HIP1R: variants seen among roughly 807,000 people sequenced by gnomAD.
HIP1R encodes the protein huntingtin interacting protein 1 related, also known as huntingtin-interacting protein 1-related protein.
In HIP1R, 135 loss-of-function variants were observed where a neutral mutation model predicts 144.2. The ratio of observed to expected loss-of-function variants is 0.94; its 90% CI spans 0.81 to 1.08. HIP1R has a LOEUF of 1.08. HIP1R is among the 50% of genes least tolerant of loss of function. HIP1R has a pLI of 0.00. For synonymous variants in HIP1R, 698 were observed against 612.8 expected, an observed-to-expected ratio of 1.14 and a Z score of -2.05; for missense variants, 1,462 against 1,432.8, an observed-to-expected ratio of 1.02 and a Z score of -0.33.
intron 7 of HIP1R, among the ~76,000 whole-genome samples, chr12:122,851,625 G>C (rs1047720567): frequency 6.6e-6 from 1 of 151,988 alleles, no homozygotes; most frequent in Admixed American, 6.5e-5. Context: ...ACTTGAACCT[G>C]GGCGGCGGAG....
chr12:122,857,188 C>A lies in HIP1R; in HGVS notation c.1788C>A (p.Gly596=). The A allele has an allele frequency of 6.4e-7, 1 of 1,550,416 alleles. No homozygotes were observed. The highest frequency in any genetic ancestry group is 8.7e-7 in the Non-Finnish European group (1 of 1,146,858). Reference sequence around the variant, plus strand: ...AGCAGCGCAGCTCCCAGGAGCAGGGCGAGTTGCAGGGCCGGCTGGCAGAGA... The same window carrying A: ...AGCAGCGCAGCTCCCAGGAGCAGGGAGAGTTGCAGGGCCGGCTGGCAGAGA... ...REQQRSSQEQ[G]ELQGRLAERE... Residue 596 remains glycine (G), a synonymous_variant, in exon 18 of 32, where the codon GGC becomes GGA. Coordinates refer to ENST00000253083, the MANE Select transcript of HIP1R (RefSeq NM_003959.3).
chr12:122,842,882 GCT>G (rs1170590226), intron 1 of HIP1R, among the ~76,000 whole-genome samples: 1 of 152,228 alleles, frequency 6.6e-6, no homozygotes, highest in Admixed American at 6.5e-5. Flanking sequence ...GAGTCAGCGG[GCT>G]CTGTCTGGCC....
chr12:122,853,155 G>A (rs1022742068), intron 7 of HIP1R, among the ~76,000 whole-genome samples: 3 of 152,166 alleles, frequency 2.0e-5, no homozygotes, highest in Admixed American at 2.0e-4. Context: ...CAGCCAAGGA[G>A]GAGGCAGCCT....
In HIP1R at chr12:122,840,833, G is replaced by A. The variant is rs1399301558; in HGVS notation, c.93+5190G>A. ...GGGTTGGGAGGATATTCTGGGGGAC[G>A]ACAGCCTCAGGAGGTGCAGACAAAG... On this transcript the variant is annotated intron_variant, in intron 1 of 31. Coordinates refer to ENST00000253083, the MANE Select transcript of HIP1R (RefSeq NM_003959.3). The surrounding 1 kb of genome is among the most constrained non-coding windows in gnomAD (Gnocchi z 4.2). Among the ~76,000 whole-genome samples the A allele has an allele frequency of 2.0e-5, 3 of 152,140 alleles. No individual in the cohort carries two copies. Among genetic ancestry groups the A allele is most frequent in the African/African-American group, 7.2e-5 (3 of 41,416 alleles).
At chr12:122,856,218 C>A (rs1234106721) in intron 14 of HIP1R, 38 bp from the exon 15 acceptor site, 1 of 1,612,978 alleles carries the variant, frequency 6.2e-7, no homozygotes, top group East Asian at 2.2e-5. Flanking sequence ...CCCCTGCCAC[C>A]CCACACGGGG....
chr12:122,850,138 G>C, intron 5 of HIP1R, 183 bp downstream of exon 5: 1 of 696,834 alleles, frequency 1.4e-6, no homozygotes, highest in Non-Finnish European at 2.6e-6. Flanking sequence ...GAAGCTCCTA[G>C]AACACTTCAG....
intron 4 of HIP1R, among the ~76,000 whole-genome samples, chr12:122,849,460 C>A (rs946502559): frequency 6.6e-6 from 1 of 152,266 alleles, no homozygotes; most frequent in Admixed American, 6.5e-5. Flanking sequence ...CCCGGACTCA[C>A]TTCCCTTGAA....
chr12:122,858,699 A>G (rs1452045913), intron 20 of HIP1R, 139 bp from the exon 21 acceptor site: 1 of 713,452 alleles, frequency 1.4e-6, no homozygotes, highest in Non-Finnish European at 2.5e-6. Flanking sequence ...TGTGGTTCCC[A>G]CTGCCTCCTG....
Position 122,860,534 on chromosome 12 carries a change from C to G in HIP1R, c.2660+11C>G. 1.3e-6 allele frequency: 2 copies of G among 1,543,922 alleles called. No homozygotes were observed. The highest frequency in any genetic ancestry group is 1.8e-6 in the Non-Finnish European group (2 of 1,118,458). On this transcript the variant is annotated intron_variant, in intron 27 of 31. Transcript: ENST00000253083. The stretch of plus-strand genomic sequence containing the variant: ...AGCCACACAGCTGGTGTAGGTTGCC[C>G]TGGGTGGGGGGGGGCAGGGGGCTGC...
chr12:122,855,331 G>A lies in HIP1R; in HGVS notation c.919G>A (p.Glu307Lys), dbSNP rs374098037. Residue 307 changes from glutamate to lysine, a missense_variant, in exon 11 of 32, where the codon GAG (glutamate) becomes AAG (lysine). Physicochemically the swap from Glu to Lys is moderately conservative, Grantham distance 56. Transcript: ENST00000253083. ...EHIKPVVVIP[E>K]EAPEDEEPEN... ...CATCAAGCCGGTGGTGGTGATCCCCGAGGAGGCCCCGGAAGATGAGGAGCC... is the reference window on the plus strand; with the variant it reads ...CATCAAGCCGGTGGTGGTGATCCCCAAGGAGGCCCCGGAAGATGAGGAGCC... 23 of 1,611,366 alleles carry A rather than the reference G, an allele frequency of 1.4e-5. No individual in the cohort carries two copies. The African/African-American group carries it at 1.6e-4, about 11-fold the overall frequency.
In HIP1R at chr12:122,840,048, G is replaced by A. The variant is rs1002959787; in HGVS notation, c.93+4405G>A. 3.3e-5 allele frequency among the ~76,000 whole-genome samples: 5 copies of A among 152,210 alleles called. No individual in the cohort carries two copies. Among genetic ancestry groups the A allele is most frequent in the Non-Finnish European group, 7.3e-5 (5 of 68,038 alleles). On this transcript the variant is annotated intron_variant, in intron 1 of 31. Transcript: ENST00000253083. The surrounding 1 kb of genome is among the most constrained non-coding windows in gnomAD (Gnocchi z 4.2). ...TCCTGGGCATGCGCACTGCTGTCTCGCCCCGTGACATCCTCTGCTCGGTTC... is the reference window on the plus strand; with the variant it reads ...TCCTGGGCATGCGCACTGCTGTCTCACCCCGTGACATCCTCTGCTCGGTTC...
Position 122,856,562 on chromosome 12 carries a change from GGC to G in HIP1R, c.1518+15_1518+16del. The stretch of plus-strand genomic sequence containing the variant: ...TCGGAGTTGAAGGTATGTCCCTTGT[GGC>G]ACAGGGCCCTGCCCCGGCATCCCCA... On this transcript the variant is annotated intron_variant, in intron 16 of 31. Coordinates refer to ENST00000253083, the MANE Select transcript of HIP1R (RefSeq NM_003959.3). 2 of 1,599,334 alleles carry G rather than the reference GGC, an allele frequency of 1.3e-6. No individual in the cohort carries two copies. The highest frequency in any genetic ancestry group is 1.7e-6 in the Non-Finnish European group (2 of 1,172,278).
In HIP1R at chr12:122,861,128, C is replaced by G; in HGVS notation, c.2891-3C>G. The G allele has an allele frequency of 5.6e-6, 9 of 1,613,460 alleles. No individual in the cohort carries two copies. Among genetic ancestry groups the G allele is most frequent in the Non-Finnish European group, 5.1e-6 (6 of 1,179,994 alleles). On this transcript the variant is annotated splice_region_variant and splice_polypyrimidine_tract_variant and intron_variant, in intron 29 of 31. Coordinates refer to ENST00000253083, the MANE Select transcript of HIP1R (RefSeq NM_003959.3). ...TGTTCACCCCCTTGTCCTCCGGCCA[C>G]AGACACCATGGATTTCTCCGGCCTG...
Position 122,861,718 on chromosome 12 carries a change from G to A in HIP1R, c.3172G>A (p.Asp1058Asn), listed in dbSNP as rs895119629. 1 of 1,614,126 alleles carries A rather than the reference G, an allele frequency of 6.2e-7. No individual in the cohort carries two copies. Among genetic ancestry groups the A allele is most frequent in the Admixed American group, 1.7e-5 (1 of 60,010 alleles). The stretch of plus-strand genomic sequence containing the variant: ...TTAACCCCTGCAGCTTGACAAAAAG[G>A]ATGGCATCTACCCAGCTCAACTCGT... ...PRQDHQLDKK[D>N]GIYPAQLVNY Residue 1058 changes from aspartate to asparagine, a missense_variant, in exon 32 of 32, where the codon GAT (aspartate) becomes AAT (asparagine). Physicochemically the swap from Asp to Asn is conservative, Grantham distance 23. Around this residue, in one of 2 missense-constraint regions of HIP1R, gnomAD observed 1,112 missense variants for 1,011.7 expected, o/e 1.10. Coordinates refer to ENST00000253083, the MANE Select transcript of HIP1R (RefSeq NM_003959.3).
Position 122,860,280 on chromosome 12 carries a change from T to G in HIP1R, c.2559+70T>G, listed in dbSNP as rs2033729836. The G allele has an allele frequency of 3.3e-6, 5 of 1,528,124 alleles. No individual in the cohort carries two copies. The South Asian group carries it at 4.9e-5, about 15-fold the overall frequency. 94.7% of individuals were successfully genotyped at this position (1,528,124 alleles called of 1,614,324 possible). A position where few individuals can be genotyped will look rare whatever the true frequency, so the allele number is the denominator to read the frequency against. On this transcript the variant is annotated intron_variant, in intron 26 of 31. Coordinates refer to ENST00000253083, the MANE Select transcript of HIP1R (RefSeq NM_003959.3). ...CCCCCAGCCTAGGCCACCCTGGGCA[T>G]GAGACCCTCCACCCCCTACCACAGG...
Position 122,858,956 on chromosome 12 carries a change from C to G in HIP1R, c.2158+11C>G, listed in dbSNP as rs1403725468. On this transcript the variant is annotated intron_variant, in intron 21 of 31. Transcript: ENST00000253083. ...CCGACCCTGCCGACCGTAAGTGGGTCCTGGGATGGCAGGTTCTGTCCACCT... is the reference window on the plus strand; with the variant it reads ...CCGACCCTGCCGACCGTAAGTGGGTGCTGGGATGGCAGGTTCTGTCCACCT... The G allele has an allele frequency of 1.2e-6, 2 of 1,612,148 alleles. No homozygotes were observed. Among genetic ancestry groups the G allele is most frequent in the Non-Finnish European group, 1.7e-6 (2 of 1,179,070 alleles).
chr12:122,861,171 G>A lies in HIP1R; in HGVS notation c.2931G>A (p.Lys977=), dbSNP rs1331362626. Residue 977 remains lysine, a synonymous_variant, in exon 30 of 32, where the codon AAG becomes AAA. Coordinates refer to ENST00000253083, the MANE Select transcript of HIP1R (RefSeq NM_003959.3). ...CCGGCCTGTCCCTCATCAAGCTGAA[G>A]AAGCAGGAGATGGAGACCCAGGTAG... ...DFSGLSLIKL[K]KQEMETQVRV... 3.7e-6 allele frequency: 6 copies of A among 1,609,802 alleles called. No homozygotes were observed. The South Asian group carries it at 5.5e-5, about 15-fold the overall frequency.
intron 9 of HIP1R, 41 bp from the exon 10 acceptor site, chr12:122,855,012 G>A (rs765488425): frequency 2.4e-5 from 39 of 1,613,540 alleles, no homozygotes; most frequent in Non-Finnish European, 2.9e-5. Context: ...GAGAGGCTCC[G>A]TGGCCCCTTC....
Position 122,858,225 on chromosome 12 carries a change from C to A in HIP1R, c.1939C>A (p.His647Asn). Reference sequence around the variant, plus strand: ...CGTGAGCAAGCTGGACGACCCCCTGCACCTGCGCTGTACCAGCTCCCCAGG... The same window carrying A: ...CGTGAGCAAGCTGGACGACCCCCTGAACCTGCGCTGTACCAGCTCCCCAGG... ...DAVSKLDDPLHLRCTSSPDYL... is the reference protein window; with the variant it reads ...DAVSKLDDPLNLRCTSSPDYL... Residue 647 changes from histidine (H) to asparagine (N), a missense_variant, in exon 19 of 32, where the codon CAC (histidine) becomes AAC (asparagine). Around this residue, in one of 2 missense-constraint regions of HIP1R, gnomAD observed 1,112 missense variants for 1,011.7 expected, o/e 1.10. Coordinates refer to ENST00000253083, the MANE Select transcript of HIP1R (RefSeq NM_003959.3). 6.2e-7 allele frequency: 1 copy of A among 1,603,536 alleles called. No individual in the cohort carries two copies.
Sources: allele counts gnomAD v4.1 joint callset (sites outside exome capture counted in the v4.1 genomes callset), GRCh38; gene constraint gnomAD v4.1.1; regional missense constraint gnomAD v4.1.1; non-coding constraint Gnocchi (gnomAD v3.1); transcripts MANE v1.5; gene names NCBI Gene and HGNC (gene_info 2026-07-23, HGNC 2026-07-21).